XKR6: variants seen among roughly 807,000 people sequenced by gnomAD.
The protein encoded by XKR6 is XK related 6, also known as XK-related protein 6.
XKR6 carries 22 observed loss-of-function variants against 56.7 expected under a neutral mutation model. The ratio of observed to expected loss-of-function variants is 0.39; its 90% CI spans 0.28 to 0.55. XKR6 has a LOEUF of 0.55. Among genes scored for constraint, XKR6 ranks in the 20% least tolerant of loss-of-function variants. The pLI is 0.66. For missense variants in XKR6, 852 were observed against 889.0 expected (o/e 0.96, Z 0.53); for synonymous variants, 524 against 387.8 (o/e 1.35, Z -4.13).
intron 1 of XKR6, among the ~76,000 whole-genome samples, chr8:11,163,155 C>T (rs1801906124): frequency 6.6e-6 from 1 of 151,970 alleles, no homozygotes; most frequent in Non-Finnish European, 1.5e-5. Flanking sequence ...TCATAAAATC[C>T]ACAAATTTAA....
intron 1 of XKR6, among the ~76,000 whole-genome samples, chr8:10,949,938 T>A (rs1447079716): frequency 2.0e-5 from 3 of 152,096 alleles, no homozygotes; most frequent in African/African-American, 7.2e-5. Flanking sequence ...CAGGCTGTGC[T>A]CACAGCTCCT....
chr8:11,169,558 C>A (rs1446114123), intron 1 of XKR6, among the ~76,000 whole-genome samples: 1 of 152,120 alleles, frequency 6.6e-6, no homozygotes, highest in East Asian at 1.9e-4. Flanking sequence ...CATACAATTC[C>A]ACTTACATGA....
At chr8:11,185,584 T>C (rs1803232396) in intron 1 of XKR6, among the ~76,000 whole-genome samples, 1 of 152,214 alleles carries the variant, frequency 6.6e-6, no homozygotes, top group African/African-American at 2.4e-5. Context: ...AGTAGTCACT[T>C]TTAGGGATAG....
chr8:11,052,464 G>A (rs1799575061), intron 1 of XKR6, among the ~76,000 whole-genome samples: 1 of 152,276 alleles, frequency 6.6e-6, no homozygotes, highest in Non-Finnish European at 1.5e-5. Context: ...GGAATCTCCC[G>A]GACCGACACT....
chr8:10,920,977 G>A (rs1008861293), intron 2 of XKR6, among the ~76,000 whole-genome samples: 1 of 152,274 alleles, frequency 6.6e-6, no homozygotes, highest in Non-Finnish European at 1.5e-5. Context: ...ATTGCAGGGA[G>A]GAGGACACAG....
At position 10,898,108 on chromosome 8, in the gene XKR6, T is replaced by C. The variant is rs767888827; in HGVS notation, c.1770A>G (p.Pro590=). ...PEGPLIKIDM[P]RKRYPAWDAH... ...CATCCCAAGCTGGGTATCGCTTTCT[T>C]GGCATGTCAATCTTAATGAGGGGCC... The change falls in exon 3 of 3, where the codon CCA becomes CCG. Residue 590 remains proline, a synonymous_variant. Coordinates refer to ENST00000416569, the MANE Select transcript of XKR6 (RefSeq NM_173683.4). The surrounding 1 kb of genome is among the most constrained non-coding windows in gnomAD (Gnocchi z 6.6). 2.5e-6 allele frequency: 4 copies of C among 1,614,178 alleles called. No individual in the cohort carries two copies. In the South Asian group the frequency reaches 4.4e-5, roughly 18 times the overall value.
At chr8:11,180,751 A>G (rs1479276713) in intron 1 of XKR6, among the ~76,000 whole-genome samples, 2 of 151,870 alleles carry the variant, frequency 1.3e-5, no homozygotes, top group African/African-American at 2.4e-5. Context: ...CAAAAAAAAT[A>G]TAAAAATTAG....
intron 1 of XKR6, among the ~76,000 whole-genome samples, chr8:11,034,620 T>C (rs544398185): frequency 2.0e-4 from 30 of 152,274 alleles, no homozygotes; most frequent in African/African-American, 7.2e-4. Flanking sequence ...AGCTTAAAAC[T>C]AGATGGAATG....
intron 1 of XKR6, among the ~76,000 whole-genome samples, chr8:11,175,862 T>C (rs79761615): frequency 0.067 from 10,248 of 152,268 alleles, 377 homozygotes; most frequent in South Asian, 0.11. Flanking sequence ...GCATTCATCA[T>C]GATCCATCTT....
intron 1 of XKR6, among the ~76,000 whole-genome samples, chr8:11,070,881 C>T (rs532757901): frequency 1.7e-4 from 26 of 152,294 alleles, no homozygotes; most frequent in African/African-American, 6.3e-4. Context: ...CCCCTCATTC[C>T]TCCTGCTGAA....
intron 1 of XKR6, among the ~76,000 whole-genome samples, chr8:11,087,052 A>T (rs1260873770): frequency 4.6e-5 from 7 of 151,802 alleles, no homozygotes; most frequent in African/African-American, 1.7e-4. Context: ...ATTAACCCCG[A>T]ACTCCCCTCT....
At chr8:11,156,557 A>G (rs528447468) in intron 1 of XKR6, among the ~76,000 whole-genome samples, 7 of 152,328 alleles carry the variant, frequency 4.6e-5, no homozygotes, top group Admixed American at 4.6e-4. Flanking sequence ...TCTACAGCAA[A>G]TATCAGTTTG....
chr8:11,024,200 A>T (rs934379015), intron 1 of XKR6, among the ~76,000 whole-genome samples: 2 of 133,202 alleles, frequency 1.5e-5, no homozygotes, highest in African/African-American at 5.5e-5. Flanking sequence ...CATACCTGTT[A>T]GGAGGTGTGT....
At chr8:11,007,581 A>T (rs1048417046) in intron 1 of XKR6, among the ~76,000 whole-genome samples, 1 of 152,156 alleles carries the variant, frequency 6.6e-6, no homozygotes, top group Admixed American at 6.5e-5. Context: ...AGCACAGATT[A>T]TGCCTGACCC....
intron 1 of XKR6, among the ~76,000 whole-genome samples, chr8:11,092,566 G>A (rs1195208880): frequency 3.9e-5 from 6 of 152,154 alleles, no homozygotes; most frequent in Admixed American, 6.6e-5. Context: ...GGGTGATAAA[G>A]GTTAGAAAGA....
At chr8:11,128,012 G>A (rs749969012) in intron 1 of XKR6, among the ~76,000 whole-genome samples, 1 of 152,094 alleles carries the variant, frequency 6.6e-6, no homozygotes, top group African/African-American at 2.4e-5. Context: ...CACATAAAAC[G>A]ACATGCATTT....
chr8:11,122,582 TCTTA>T (rs1414017094), intron 1 of XKR6, among the ~76,000 whole-genome samples: 1 of 152,248 alleles, frequency 6.6e-6, no homozygotes, highest in Non-Finnish European at 1.5e-5. Context: ...CCATTGGCAC[TCTTA>T]TTTAGAAAAT....
intron 2 of XKR6, among the ~76,000 whole-genome samples, chr8:10,904,910 C>T (rs866201924): frequency 2.6e-5 from 4 of 152,150 alleles, no homozygotes; most frequent in Non-Finnish European, 5.9e-5. Flanking sequence ...TCTCTCTGAC[C>T]GAGAGCGTCA....
chr8:11,081,088 T>G (rs1213598634), intron 1 of XKR6, among the ~76,000 whole-genome samples: 1 of 152,198 alleles, frequency 6.6e-6, no homozygotes, highest in Non-Finnish European at 1.5e-5. Flanking sequence ...AGCAACATAC[T>G]GTTCTAAGGA....
Sources: allele counts gnomAD v4.1 joint callset (sites outside exome capture counted in the v4.1 genomes callset), GRCh38; gene constraint gnomAD v4.1.1; non-coding constraint Gnocchi (gnomAD v3.1); transcripts MANE v1.5; gene names NCBI Gene and HGNC (gene_info 2026-07-23, HGNC 2026-07-21).